GPM6A: variants seen among roughly 807,000 people sequenced by gnomAD.
GPM6A encodes glycoprotein M6A.
In GPM6A, 7 loss-of-function variants were observed where a neutral mutation model predicts 32.1. That is an observed-to-expected ratio of 0.22 (90% CI 0.12 to 0.41). The LOEUF (loss-of-function observed/expected upper bound fraction) is 0.41. Among genes scored for constraint, GPM6A ranks in the 10% least tolerant of loss-of-function variants. The pLI, the probability that GPM6A is intolerant of heterozygous loss-of-function variation, is 1.00. For synonymous variants in GPM6A, 130 were observed against 123.4 expected (o/e 1.05, Z -0.35); for missense variants, 235 against 347.2 (o/e 0.68, Z 2.57).
intron 4 of GPM6A, among the ~76,000 whole-genome samples, chr4:175,646,470 C>G (rs972255414): frequency 3.3e-5 from 5 of 152,068 alleles, no homozygotes; most frequent in Admixed American, 2.0e-4. Flanking sequence ...TGGAATATTC[C>G]TAGGTCTTGG....
chr4:175,995,939 C>T (rs59342227), intron 1 of GPM6A, among the ~76,000 whole-genome samples: 4,085 of 146,620 alleles, frequency 0.028, 155 homozygotes, highest in African/African-American at 0.1. Flanking sequence ...TGGGATGTGG[C>T]TTTGTTTGCT....
intron 2 of GPM6A, among the ~76,000 whole-genome samples, chr4:175,695,657 G>C (rs772354982): frequency 6.6e-6 from 1 of 152,132 alleles, no homozygotes; most frequent in Non-Finnish European, 1.5e-5. Flanking sequence ...AGGCTCATAG[G>C]TGAAAGGAAC....
intron 1 of GPM6A, among the ~76,000 whole-genome samples, chr4:175,761,441 T>C (rs1323698632): frequency 1.3e-5 from 2 of 152,186 alleles, no homozygotes; most frequent in Non-Finnish European, 2.9e-5. Flanking sequence ...ATGATCTCCA[T>C]AAATATGTGT....
chr4:175,886,612 G>A (rs919831369), intron 1 of GPM6A, among the ~76,000 whole-genome samples: 1 of 151,644 alleles, frequency 6.6e-6, no homozygotes, highest in Non-Finnish European at 1.5e-5. Flanking sequence ...AAAATGTAAA[G>A]GTATAAGAAC....
In GPM6A at chr4:175,823,340, AT is replaced by A. The variant is rs1215574194; in HGVS notation, c.-22-11092del. On this transcript the variant is annotated intron_variant, in intron 1 of 7. Transcript: ENST00000280187. ...TTATAACTTATCTGAAAAGTGGATGATTTTTTTTGGCTCCATTCACTTGAAC... is the reference window on the plus strand; with the variant it reads ...TTATAACTTATCTGAAAAGTGGATGATTTTTTTGGCTCCATTCACTTGAAC... Among the ~76,000 whole-genome samples, 11 of 152,208 alleles carry A rather than the reference AT, an allele frequency of 7.2e-5. No individual in the cohort carries two copies. The East Asian group carries it at 1.7e-3, about 24-fold the overall frequency.
chr4:176,000,830 TA>T (rs374591972), intron 1 of GPM6A, among the ~76,000 whole-genome samples: 1 of 151,840 alleles, frequency 6.6e-6, no homozygotes, highest in African/African-American at 2.4e-5. Flanking sequence ...AACAACCAAA[TA>T]AAAAAAAGAG....
At chr4:175,757,385 A>T (rs1579465253) in intron 1 of GPM6A, among the ~76,000 whole-genome samples, 1 of 151,750 alleles carries the variant, frequency 6.6e-6, no homozygotes, top group Non-Finnish European at 1.5e-5. Context: ...CTCATTAAGG[A>T]CCCCAATTCA....
intron 1 of GPM6A, among the ~76,000 whole-genome samples, chr4:175,931,844 G>T (rs539519851): frequency 9.9e-4 from 151 of 152,078 alleles, no homozygotes; most frequent in Non-Finnish European, 1.8e-3. Context: ...CAGCATTTTG[G>T]GAGGCCAAGA....
chr4:175,665,626 A>T (rs769379092), intron 3 of GPM6A, among the ~76,000 whole-genome samples: 6 of 151,828 alleles, frequency 4.0e-5, no homozygotes, highest in Non-Finnish European at 4.4e-5. Flanking sequence ...TCTACCAAAA[A>T]CACAAAGGTT....
intron 1 of GPM6A, among the ~76,000 whole-genome samples, chr4:175,899,166 C>T (rs766161161): frequency 9.9e-5 from 15 of 152,110 alleles, no homozygotes; most frequent in Admixed American, 8.5e-4. Flanking sequence ...CATGTTTCTA[C>T]TAAACAACTT....
chr4:175,881,900 T>C (rs1022757990), intron 1 of GPM6A, among the ~76,000 whole-genome samples: 2 of 152,004 alleles, frequency 1.3e-5, no homozygotes, highest in Admixed American at 1.3e-4. Flanking sequence ...AATGACAAGA[T>C]AATGGGTGCA....
upstream of GPM6A, among the ~76,000 whole-genome samples, chr4:175,813,929 T>C (rs553259586): frequency 3.3e-5 from 5 of 152,336 alleles, no homozygotes; most frequent in Admixed American, 3.3e-4. Context: ...GGAATATATA[T>C]CAATGTGTAT....
At chr4:175,771,194 T>C (rs1396014031) in intron 1 of GPM6A, among the ~76,000 whole-genome samples, 1 of 152,070 alleles carries the variant, frequency 6.6e-6, no homozygotes, top group Non-Finnish European at 1.5e-5. Flanking sequence ...TATGAACATA[T>C]AATCTCTGGC....
chr4:175,837,231 G>A (rs1004983060), intron 1 of GPM6A, among the ~76,000 whole-genome samples: 5 of 152,100 alleles, frequency 3.3e-5, no homozygotes, highest in Non-Finnish European at 7.4e-5. Context: ...AGTGGAGAAG[G>A]CAAGAGAACA....
intron 1 of GPM6A, among the ~76,000 whole-genome samples, chr4:175,711,287 T>C (rs978182119): frequency 6.6e-6 from 1 of 150,942 alleles, no homozygotes; most frequent in Non-Finnish European, 1.5e-5. Flanking sequence ...CACTAGGTAT[T>C]TGAGGAATGC....
intron 1 of GPM6A, among the ~76,000 whole-genome samples, chr4:175,897,917 C>T (rs1737845468): frequency 1.3e-5 from 2 of 152,262 alleles, no homozygotes; most frequent in Non-Finnish European, 2.9e-5. Context: ...CTCTTGGCAA[C>T]ATTAATGATA....
upstream of GPM6A, among the ~76,000 whole-genome samples, chr4:175,815,226 G>A (rs2111338827): frequency 6.6e-6 from 1 of 152,234 alleles, no homozygotes; most frequent in Admixed American, 6.5e-5. Context: ...TGTTGGCCAG[G>A]CTGGTGTCAA....
At chr4:175,751,492 C>T (rs1019078644) in intron 1 of GPM6A, among the ~76,000 whole-genome samples, 1 of 151,980 alleles carries the variant, frequency 6.6e-6, no homozygotes, top group Non-Finnish European at 1.5e-5. Context: ...TAATATTGAA[C>T]ATGTTTATAT....
intron 3 of GPM6A, among the ~76,000 whole-genome samples, chr4:175,655,028 G>A (rs1742005495): frequency 6.6e-6 from 1 of 152,088 alleles, no homozygotes; most frequent in Admixed American, 6.6e-5. Flanking sequence ...AAGTAGCTTG[G>A]AACACTTTGA....
Sources: allele counts gnomAD v4.1 joint callset (sites outside exome capture counted in the v4.1 genomes callset), GRCh38; gene constraint gnomAD v4.1.1; transcripts MANE v1.5; gene names NCBI Gene and HGNC (gene_info 2026-07-23, HGNC 2026-07-21).